The following OGDH variants were observed in gnomAD, a reference collection of about 807,000 sequenced individuals.
The protein encoded by OGDH is oxoglutarate dehydrogenase, also known as 2-oxoglutarate dehydrogenase complex component E1.
Under a neutral mutation model 116.6 loss-of-function variants are expected in OGDH, and 38 were observed. That is an observed-to-expected ratio of 0.33 (90% CI 0.25 to 0.43). OGDH has a LOEUF of 0.43. OGDH is among the 20% of genes least tolerant of loss of function. OGDH has a pLI of 1.00. For synonymous variants in OGDH, 488 were observed against 533.3 expected (o/e 0.92, Z 1.17); for missense variants, 825 against 1,357.2 (o/e 0.61, Z 6.16).
intron 1 of OGDH, among the ~76,000 whole-genome samples, chr7:44,609,082 GTTC>G (rs1381680369): frequency 2.0e-5 from 3 of 151,996 alleles, no homozygotes; most frequent in Non-Finnish European, 4.4e-5. Context: ...CCACTAATCT[GTTC>G]TTCATTTCCC....
At chr7:44,692,719 G>A (rs1294297679) in intron 10 of OGDH, among the ~76,000 whole-genome samples, 1 of 152,136 alleles carries the variant, frequency 6.6e-6, no homozygotes, top group African/African-American at 2.4e-5. Flanking sequence ...CTAACTGGTA[G>A]GGAATGTTAT....
intron 5 of OGDH, among the ~76,000 whole-genome samples, chr7:44,668,724 T>C (rs1787295230): frequency 6.6e-6 from 1 of 152,194 alleles, no homozygotes; most frequent in Admixed American, 6.5e-5. Context: ...ACACTGACTA[T>C]AGTTTCTAGT....
intron 1 of OGDH, among the ~76,000 whole-genome samples, chr7:44,609,221 C>G (rs1439092422): frequency 1.3e-5 from 2 of 151,372 alleles, no homozygotes; most frequent in South Asian, 4.2e-4. Context: ...TAGTTCATTC[C>G]TTGGCCAGGC....
Position 44,666,817 on chromosome 7 carries a change from C to T in OGDH, c.599C>T (p.Ala200Val). 8.1e-6 allele frequency: 13 copies of T among 1,612,812 alleles called. No individual in the cohort carries two copies. Among genetic ancestry groups the T allele is most frequent in the Non-Finnish European group, 1.1e-5 (13 of 1,179,340 alleles). The change falls in exon 5 of 23, where the codon GCA (alanine) becomes GTA (valine). Residue 200 changes from alanine (A) to valine (V), a missense_variant. Around this residue, in one of 7 missense-constraint regions of OGDH, gnomAD observed 171 missense variants for 276.8 expected, o/e 0.62. Coordinates refer to ENST00000222673, the MANE Select transcript of OGDH (RefSeq NM_002541.4). The stretch of plus-strand genomic sequence containing the variant: ...ACTTTCATCGGGGGACAGGAATCAG[C>T]ACTTCCTCTGCGGGAGATCATCCGT... ...TTTFIGGQES[A>V]LPLREIIRRL...
intron 5 of OGDH, among the ~76,000 whole-genome samples, chr7:44,672,553 G>A (rs1333267720): frequency 6.6e-6 from 1 of 152,100 alleles, no homozygotes; most frequent in East Asian, 1.9e-4. Context: ...TCTCATTCTG[G>A]TCCTCCAGGG....
intron 3 of OGDH, among the ~76,000 whole-genome samples, chr7:44,645,721 C>T (rs1266669068): frequency 1.3e-5 from 2 of 152,214 alleles, no homozygotes; most frequent in Non-Finnish European, 2.9e-5. Flanking sequence ...GAGCAAATCT[C>T]CCAGCACCAC....
chr7:44,637,947 G>T (rs1304552692), intron 2 of OGDH, among the ~76,000 whole-genome samples: 5 of 152,180 alleles, frequency 3.3e-5, no homozygotes, highest in Non-Finnish European at 7.3e-5. Context: ...GGGCTCAGAA[G>T]TTGGCCTTTT....
rs146351687 is a variant in OGDH at position 44,697,983 on chromosome 7, C to G, written c.2358+201C>G. Among the ~76,000 whole-genome samples, 75 of 152,324 alleles carry G rather than the reference C, an allele frequency of 4.9e-4. 1 individual carries two copies. The East Asian group carries it at 0.014, about 27-fold the overall frequency. On this transcript the variant is annotated intron_variant, in intron 17 of 22. Coordinates refer to ENST00000222673, the MANE Select transcript of OGDH (RefSeq NM_002541.4). This position sits in a 1 kb window ranked among gnomAD's most constrained non-coding sequence, Gnocchi z 6.0. The stretch of plus-strand genomic sequence containing the variant: ...TGGATGTGGCTAGCATGCCCCGTCC[C>G]TGCTGGTGCAGACTCCCTAGATGCA...
At chr7:44,696,772 G>A in intron 14 of OGDH, 142 bp from the exon 15 acceptor site, 1 of 1,232,640 alleles carries the variant, frequency 8.1e-7, no homozygotes, top group Non-Finnish European at 1.1e-6. Flanking sequence ...AGGAGAGACT[G>A]AGGTCACAGC....
chr7:44,668,110 G>A (rs763195254), intron 5 of OGDH, among the ~76,000 whole-genome samples: 2 of 152,190 alleles, frequency 1.3e-5, no homozygotes, highest in Non-Finnish European at 2.9e-5. Context: ...TCTCTTGTCA[G>A]TGTTTCCAGT....
intron 20 of OGDH, among the ~76,000 whole-genome samples, chr7:44,703,964 A>T (rs1788954760): frequency 6.6e-6 from 1 of 152,282 alleles, no homozygotes; most frequent in East Asian, 1.9e-4. Flanking sequence ...GTCGATGGAC[A>T]CTTGGGTTGC....
At chr7:44,686,784 G>A (rs1788149551) in intron 10 of OGDH, among the ~76,000 whole-genome samples, 1 of 151,210 alleles carries the variant, frequency 6.6e-6, no homozygotes, top group South Asian at 2.1e-4. Context: ...CACCTCCTGG[G>A]TTCAAGGATT....
Position 44,708,175 on chromosome 7 carries a change from G to C in OGDH, c.*176G>C. 1 of 831,686 alleles carries C rather than the reference G, an allele frequency of 1.2e-6. No homozygotes were observed. The highest frequency in any genetic ancestry group is 1.8e-5 in the South Asian group (1 of 55,420). The allele number at this position is 831,686 out of a possible 1,614,324, so 51.5% of individuals were successfully genotyped here. A position where few individuals can be genotyped will look rare whatever the true frequency, so the allele number is the denominator to read the frequency against. On this transcript the variant is annotated 3_prime_UTR_variant, in exon 23 of 23. Coordinates refer to ENST00000222673, the MANE Select transcript of OGDH (RefSeq NM_002541.4). ...TGTCGTCCCCCTCCAGTGCTTGGCT[G>C]CCCCACAGGCCACACGCTGCCCAGG...
intron 18 of OGDH, among the ~76,000 whole-genome samples, chr7:44,699,348 C>G (rs973639259): frequency 6.7e-6 from 1 of 149,802 alleles, no homozygotes; most frequent in Non-Finnish European, 1.5e-5. Context: ...TCGCTTGAAC[C>G]CGGGAGGTGG....
intron 14 of OGDH, 134 bp from the exon 15 acceptor site, chr7:44,696,780 A>G: frequency 7.9e-7 from 1 of 1,273,720 alleles, no homozygotes; most frequent in Non-Finnish European, 1.1e-6. Flanking sequence ...CTGAGGTCAC[A>G]GCTTTTCCAG....
chr7:44,662,418 C>T (rs1786985180), intron 4 of OGDH, among the ~76,000 whole-genome samples: 1 of 151,520 alleles, frequency 6.6e-6, no homozygotes, highest in African/African-American at 2.4e-5. Flanking sequence ...CCTTATCTTT[C>T]AGGTCCTGAA....
In OGDH at chr7:44,673,911, C is replaced by T; in HGVS notation, c.758C>T (p.Thr253Ile). Residue 253 changes from threonine (T) to isoleucine (I), a missense_variant, in exon 6 of 23, where the codon ACC becomes ATC. Transcript: ENST00000222673. The part of the protein sequence containing the change: ...IMQFTNEEKR[T>I]LLARLVRSTR... The stretch of plus-strand genomic sequence containing the variant: ...CAGTTCACAAATGAGGAGAAACGGA[C>T]CCTGCTGGCCAGGCTTGTGCGGTCC... 6.2e-7 allele frequency: 1 copy of T among 1,614,228 alleles called. No individual in the cohort carries two copies. The highest frequency in any genetic ancestry group is 8.5e-7 in the Non-Finnish European group (1 of 1,180,034).
In OGDH at chr7:44,675,283, T is replaced by C. The variant is rs1031118321; in HGVS notation, c.1026+15T>C. 2 of 1,606,538 alleles carry C rather than the reference T, an allele frequency of 1.2e-6. No individual in the cohort carries two copies. Among genetic ancestry groups the C allele is most frequent in the African/African-American group, 1.3e-5 (1 of 74,796 alleles). Reference sequence around the variant, plus strand: ...CAGCTGATGAGGTGAGGCACCTGCATAGAGACACATCCAGCATAGCCCCAA... The same window carrying C: ...CAGCTGATGAGGTGAGGCACCTGCACAGAGACACATCCAGCATAGCCCCAA... On this transcript the variant is annotated intron_variant, in intron 8 of 22. Coordinates refer to ENST00000222673, the MANE Select transcript of OGDH (RefSeq NM_002541.4).
At chr7:44,619,635 G>A (rs967151079) in intron 1 of OGDH, among the ~76,000 whole-genome samples, 15 of 152,092 alleles carry the variant, frequency 9.9e-5, no homozygotes, top group African/African-American at 4.8e-5. Context: ...TTATCCATTC[G>A]TCAGTGATGG....
Sources: allele counts gnomAD v4.1 joint callset (sites outside exome capture counted in the v4.1 genomes callset), GRCh38; gene constraint gnomAD v4.1.1; regional missense constraint gnomAD v4.1.1; non-coding constraint Gnocchi (gnomAD v3.1); transcripts MANE v1.5; gene names NCBI Gene and HGNC (gene_info 2026-07-23, HGNC 2026-07-21).